The following EPB41 variants were observed in gnomAD, a reference collection of about 807,000 sequenced individuals.
EPB41 encodes protein 4.1.
A neutral mutation model predicts 108.0 loss-of-function variants in EPB41; 65 were observed. The ratio of observed to expected loss-of-function variants is 0.60; its 90% CI spans 0.49 to 0.74. The LOEUF is 0.74. Ranked by LOEUF, EPB41 falls within the 30% of genes least tolerant of loss-of-function variation. The probability of loss-of-function intolerance (pLI) is 0.00; values close to 1 mark genes in which losing one functional copy is unlikely to be tolerated. For synonymous variants in EPB41, 336 were observed against 358.9 expected (o/e 0.94, Z 0.72); for missense variants, 875 against 1,037.0 (o/e 0.84, Z 2.15).
At chr1:29,090,701 C>T (rs1407606845) in intron 16 of EPB41, among the ~76,000 whole-genome samples, 2 of 152,164 alleles carry the variant, frequency 1.3e-5, no homozygotes, top group Non-Finnish European at 2.9e-5. Flanking sequence ...AGTGAGCTGA[C>T]ATCGCGCCAT....
chr1:29,042,826 C>G (rs2150508528), intron 11 of EPB41, among the ~76,000 whole-genome samples: 1 of 151,812 alleles, frequency 6.6e-6, no homozygotes, highest in South Asian at 2.1e-4. Context: ...TTAATAGTAA[C>G]AATACAAGGC....
At chr1:28,904,352 G>A (rs1298528850) in intron 1 of EPB41, among the ~76,000 whole-genome samples, 8 of 151,946 alleles carry the variant, frequency 5.3e-5, no homozygotes, top group Admixed American at 5.3e-4. Flanking sequence ...TTTACCTTGA[G>A]GTTGAGGATT....
At chr1:28,960,625 G>C in intron 1 of EPB41, among the ~76,000 whole-genome samples, 1 of 150,904 alleles carries the variant, frequency 6.6e-6, no homozygotes, top group East Asian at 2.0e-4. Flanking sequence ...TGCTCCTGTA[G>C]AGGCTGTGGT....
At position 29,047,253 on chromosome 1, in the gene EPB41, C is replaced by CTTTTTTTTTTTTTTTT. The variant is rs755248112; in HGVS notation, c.1637-5850_1637-5835dup. Among the ~76,000 whole-genome samples, 138 of 100,508 alleles carry CTTTTTTTTTTTTTTTT rather than the reference C, an allele frequency of 1.4e-3. 8 individuals are homozygous for CTTTTTTTTTTTTTTTT. The highest frequency in any genetic ancestry group is 2.3e-3 in the African/African-American group (45 of 19,748). The allele number at this position is 100,508 out of a possible 152,430, so 65.9% of individuals were successfully genotyped here. ...TGTTTCTTTTTTCTTTCTTTCTTTCCTTTTTTTTTTTTTTTTGGAGAGAGA... is the reference window on the plus strand; with the variant it reads ...TGTTTCTTTTTTCTTTCTTTCTTTCCTTTTTTTTTTTTTTTTTTTTTTTTTTTTTTTTGGAGAGAGA... On this transcript the variant is annotated intron_variant, in intron 11 of 20. Coordinates refer to ENST00000343067, the MANE Select transcript of EPB41 (RefSeq NM_001376013.1).
rs755201001 is a variant in EPB41 at position 28,987,655 on chromosome 1, C to T, written c.218C>T (p.Thr73Ile). 1.2e-6 allele frequency: 2 copies of T among 1,614,202 alleles called. No individual in the cohort carries two copies. The highest frequency in any genetic ancestry group is 2.2e-5 in the South Asian group (2 of 91,072). ...HEDLTKNKER[T>I]SESRGLSRLF... ...GACTTGACCAAGAACAAGGAGCGGA[C>T]ATCAGAAAGCAGAGGACTTTCACGA... Residue 73 changes from threonine (T) to isoleucine (I), a missense_variant, in exon 2 of 21, where the codon ACA becomes ATA. Thr to Ile is a moderately conservative substitution (Grantham distance 89). Around this residue, in one of 3 missense-constraint regions of EPB41, gnomAD observed 353 missense variants for 393.2 expected, o/e 0.90. Transcript: ENST00000343067.
intron 3 of EPB41, among the ~76,000 whole-genome samples, chr1:28,994,194 C>G (rs1417244161): frequency 6.6e-6 from 1 of 151,868 alleles, no homozygotes; most frequent in Non-Finnish European, 1.5e-5. Context: ...TTTTTTGAGA[C>G]AGAGTCTCTC....
intron 1 of EPB41, among the ~76,000 whole-genome samples, chr1:28,975,448 A>G (rs1321874276): frequency 1.3e-5 from 2 of 152,084 alleles, no homozygotes; most frequent in Non-Finnish European, 2.9e-5. Flanking sequence ...AGGGATTCCC[A>G]TTGTGAATAT....
Position 28,949,881 on chromosome 1 carries a change from C to T in EPB41, c.-8+35113C>T, listed in dbSNP as rs1469402686. Among the ~76,000 whole-genome samples the T allele has an allele frequency of 3.3e-5, 5 of 152,240 alleles. No individual in the cohort carries two copies. In the South Asian group the frequency reaches 6.2e-4, roughly 19 times the overall value. On this transcript the variant is annotated intron_variant, in intron 1 of 20. Transcript: ENST00000343067. ...CCTCCCAAAGTGCTGGGATTACAGG[C>T]GTGAATCACTGTGCCTGGCCCCACT...
At chr1:29,059,698 C>T (rs920400573) in intron 14 of EPB41, among the ~76,000 whole-genome samples, 4 of 152,006 alleles carry the variant, frequency 2.6e-5, no homozygotes, top group African/African-American at 7.3e-5. Context: ...GGATCACTTG[C>T]GTCCAGGAGG....
At chr1:28,945,888 G>C (rs1049750396) in intron 1 of EPB41, among the ~76,000 whole-genome samples, 18 of 152,308 alleles carry the variant, frequency 1.2e-4, no homozygotes, top group African/African-American at 4.3e-4. Context: ...AGTAGTGCTG[G>C]TTAATATAGC....
chr1:28,955,954 A>C (rs1164759488), intron 1 of EPB41, among the ~76,000 whole-genome samples: 1 of 152,246 alleles, frequency 6.6e-6, no homozygotes, highest in Non-Finnish European at 1.5e-5. Context: ...TTGAGAAGAA[A>C]TTCCCTTGAC....
chr1:29,070,351 A>G, intron 16 of EPB41: 2 of 1,231,544 alleles, frequency 1.6e-6, no homozygotes, highest in Admixed American at 4.2e-5. Context: ...TTGATCTTCT[A>G]CTGTGAAAGC....
intron 7 of EPB41, among the ~76,000 whole-genome samples, chr1:29,019,043 T>G (rs1323692551): frequency 2.6e-5 from 4 of 152,172 alleles, no homozygotes; most frequent in African/African-American, 9.7e-5. Flanking sequence ...TCAATTATAA[T>G]GTCTCTGAGC....
chr1:29,039,222 T>C, intron 10 of EPB41, 32 bp from the exon 11 acceptor site: 1 of 1,600,372 alleles, frequency 6.2e-7, no homozygotes, highest in Middle Eastern at 1.9e-4. Context: ...GATGAATATA[T>C]AATAATATGA....
chr1:29,069,052 T>C (rs1377745224), intron 16 of EPB41: 2 of 868,592 alleles, frequency 2.3e-6, no homozygotes, highest in Non-Finnish European at 3.0e-6. Context: ...AGAAAATGAA[T>C]TTAATTATAC....
intron 1 of EPB41, among the ~76,000 whole-genome samples, chr1:28,979,741 C>T (rs1387265682): frequency 6.6e-6 from 1 of 150,954 alleles, no homozygotes; most frequent in Non-Finnish European, 1.5e-5. Context: ...CACTTGTATA[C>T]AATTCATGCC....
chr1:28,907,834 A>T (rs1353633627), intron 1 of EPB41, among the ~76,000 whole-genome samples: 2 of 120,064 alleles, frequency 1.7e-5, no homozygotes, highest in African/African-American at 3.9e-5. Context: ...TTTTTTAAAA[A>T]TTTTAATTTT....
chr1:29,042,468 TTTTTG>T lies in EPB41; in HGVS notation c.1636+3062_1636+3066del, dbSNP rs531344214. Among the ~76,000 whole-genome samples, 222 of 152,060 alleles carry T rather than the reference TTTTTG, an allele frequency of 1.5e-3. 2 individuals are homozygous for T. The highest frequency in any genetic ancestry group is 1.7e-3 in the Non-Finnish European group (117 of 67,952). On this transcript the variant is annotated intron_variant, in intron 11 of 20. Coordinates refer to ENST00000343067, the MANE Select transcript of EPB41 (RefSeq NM_001376013.1). ...TACTGTGAGTCATGCTTTTTTGTTT[TTTTTG>T]TTTTGTTTTGTTTTGTTTTTTTTGA...
chr1:28,908,440 A>T (rs113115972), intron 1 of EPB41, among the ~76,000 whole-genome samples: 44,085 of 144,440 alleles, frequency 0.31, 8,023 homozygotes, highest in Non-Finnish European at 0.4. Context: ...TATTATTATT[A>T]TTTTTTTTTG....
Sources: gnomAD v4.1 joint callset for allele counts (sites outside exome capture counted in the v4.1 genomes callset) on GRCh38, gnomAD v4.1.1 for gene constraint, gnomAD v4.1.1 regional missense constraint, MANE v1.5 for transcripts, NCBI Gene and HGNC (gene_info 2026-07-23, HGNC 2026-07-21) for gene names.